Variants in TMEM135 observed in about 807,000 individuals in gnomAD.
TMEM135 encodes transmembrane protein 135.
TMEM135 carries 30 observed loss-of-function variants against 60.3 expected under a neutral mutation model. That is an observed-to-expected ratio of 0.50 (90% confidence interval 0.37 to 0.68). The LOEUF is 0.68. TMEM135 is among the 30% of genes least tolerant of loss of function. The pLI is 0.00. For missense variants in TMEM135, 468 were observed against 548.8 expected (o/e 0.85, Z 1.47); for synonymous variants, 190 against 186.7 (o/e 1.02, Z -0.14).
intron 5 of TMEM135, among the ~76,000 whole-genome samples, chr11:87,171,672 T>G (rs1383406482): frequency 6.6e-6 from 1 of 152,216 alleles, no homozygotes; most frequent in Non-Finnish European, 1.5e-5. Flanking sequence ...TAAGGTCCTA[T>G]ATGGCTTTAA....
chr11:87,189,172 T>TCCCTTTCCCTTTCCTTTCCCTTTCC (rs1242580123), intron 5 of TMEM135, among the ~76,000 whole-genome samples: 11 of 151,182 alleles, frequency 7.3e-5, no homozygotes, highest in African/African-American at 2.4e-4. Context: ...CCCTTTCCTT[T>TCCCTTTCCCTTTCCTTTCCCTTTCC]CTTTGCTTTC....
chr11:87,293,695 C>T (rs1047949093), intron 6 of TMEM135, among the ~76,000 whole-genome samples: 5 of 152,190 alleles, frequency 3.3e-5, no homozygotes, highest in African/African-American at 7.2e-5. Context: ...TGATCTCATT[C>T]CTTTTTATGG....
At chr11:87,170,610 C>T (rs1375864943) in intron 5 of TMEM135, among the ~76,000 whole-genome samples, 6 of 152,134 alleles carry the variant, frequency 3.9e-5, no homozygotes, top group East Asian at 1.9e-4. Flanking sequence ...TGGGTATTCA[C>T]CAGCTGAGGC....
intron 6 of TMEM135, among the ~76,000 whole-genome samples, chr11:87,237,533 A>C (rs1025468881): frequency 3.3e-5 from 5 of 151,982 alleles, no homozygotes; most frequent in Non-Finnish European, 5.9e-5. Flanking sequence ...TATTTCTTTA[A>C]GAATAAAACA....
chr11:87,141,141 T>A (rs1482385039), intron 4 of TMEM135, among the ~76,000 whole-genome samples: 4 of 152,058 alleles, frequency 2.6e-5, no homozygotes, highest in South Asian at 2.1e-4. Flanking sequence ...AAATGCCTGT[T>A]AGGTTTTGAT....
rs150239682 is a variant in TMEM135, at chr11:87,314,834, T to C, written c.1077+287T>C. Among the ~76,000 whole-genome samples the C allele has an allele frequency of 5.7e-3, 864 of 151,880 alleles. 12 individuals carry two copies. Among genetic ancestry groups the C allele is most frequent in the African/African-American group, 0.02 (820 of 41,514 alleles). On this transcript the variant is annotated intron_variant, in intron 12 of 14. Transcript: ENST00000305494. ...CATCTATACTCCTCAACCCCACAGG[T>C]ATCGAGTTATTTTAAAGCCAATCCC...
chr11:87,226,751 TC>T (rs2135362488), intron 5 of TMEM135, among the ~76,000 whole-genome samples: 1 of 152,220 alleles, frequency 6.6e-6, no homozygotes, highest in Admixed American at 6.5e-5. Flanking sequence ...AAGGTATAAA[TC>T]AAGAATGGTT....
At chr11:87,104,566 AC>A (rs1193372199) in intron 4 of TMEM135, among the ~76,000 whole-genome samples, 1 of 152,094 alleles carries the variant, frequency 6.6e-6, no homozygotes, top group East Asian at 1.9e-4. Flanking sequence ...CAATTCATGA[AC>A]ATGGGTGTTT....
intron 4 of TMEM135, among the ~76,000 whole-genome samples, chr11:87,117,073 G>T (rs1350137109): frequency 6.6e-6 from 1 of 151,788 alleles, no homozygotes; most frequent in Non-Finnish European, 1.5e-5. Flanking sequence ...CACCTGCCTC[G>T]GCCTCCCAAA....
chr11:87,242,004 C>A (rs1941147322), intron 6 of TMEM135, among the ~76,000 whole-genome samples: 3 of 151,546 alleles, frequency 2.0e-5, no homozygotes, highest in South Asian at 2.1e-4. Flanking sequence ...CTCTCCCTGC[C>A]CCCCACCCCA....
At chr11:87,176,462 T>C (rs1939370549) in intron 5 of TMEM135, among the ~76,000 whole-genome samples, 2 of 152,168 alleles carry the variant, frequency 1.3e-5, no homozygotes, top group Admixed American at 1.3e-4. Flanking sequence ...TATTCCTTTT[T>C]AGTAACACAA....
chr11:87,101,616 A>C (rs1259902728), intron 4 of TMEM135, among the ~76,000 whole-genome samples: 1 of 152,192 alleles, frequency 6.6e-6, no homozygotes, highest in Non-Finnish European at 1.5e-5. Flanking sequence ...TTTGGTTTTT[A>C]ATGTTAAACA....
chr11:87,118,064 G>A (rs1857936346), intron 4 of TMEM135, among the ~76,000 whole-genome samples: 1 of 140,150 alleles, frequency 7.1e-6, no homozygotes, highest in South Asian at 2.4e-4. Context: ...TCAATGAGTA[G>A]TAATATTTTG....
chr11:87,285,732 C>G (rs1173746518), intron 6 of TMEM135, among the ~76,000 whole-genome samples: 2 of 152,174 alleles, frequency 1.3e-5, no homozygotes, highest in Non-Finnish European at 1.5e-5. Context: ...TGGAAGGGGA[C>G]CCGAGCAGGT....
At chr11:87,124,710 C>G (rs1937678338) in intron 4 of TMEM135, among the ~76,000 whole-genome samples, 1 of 152,020 alleles carries the variant, frequency 6.6e-6, no homozygotes, top group African/African-American at 2.4e-5. Context: ...AGGTTATATT[C>G]TCTTCTGTTC....
At chr11:87,310,366 G>A (rs543246253) in intron 10 of TMEM135, among the ~76,000 whole-genome samples, 2 of 152,092 alleles carry the variant, frequency 1.3e-5, no homozygotes, top group East Asian at 3.9e-4. Flanking sequence ...TTTATTAAAC[G>A]CTTAAAAGAT....
intron 3 of TMEM135, among the ~76,000 whole-genome samples, chr11:87,088,796 A>C (rs79152269): frequency 1.3e-5 from 2 of 152,184 alleles, no homozygotes; most frequent in Non-Finnish European, 2.9e-5. Flanking sequence ...GATCAAGACA[A>C]CTGTCTGTGA....
At chr11:87,042,109 C>T (rs1949754921) in intron 1 of TMEM135, among the ~76,000 whole-genome samples, 1 of 152,214 alleles carries the variant, frequency 6.6e-6, no homozygotes, top group Non-Finnish European at 1.5e-5. Flanking sequence ...CGGGAGCCTT[C>T]AGAATGAAGA....
chr11:87,314,637 CA>C (rs1942695801), intron 12 of TMEM135, 90 bp downstream of exon 12: 1 of 1,031,674 alleles, frequency 9.7e-7, no homozygotes, highest in Admixed American at 1.9e-5. Flanking sequence ...ATCCCAATGG[CA>C]AACATAAATT....
Sources: allele counts gnomAD v4.1 joint callset (sites outside exome capture counted in the v4.1 genomes callset), GRCh38; gene constraint gnomAD v4.1.1; transcripts MANE v1.5; gene names NCBI Gene and HGNC (gene_info 2026-07-23, HGNC 2026-07-21).